The following EDARADD variants were observed in gnomAD, a reference collection of about 807,000 sequenced individuals.
The protein encoded by EDARADD is EDAR associated via death domain.
A neutral mutation model predicts 25.6 loss-of-function variants in EDARADD; 20 were observed. That is an observed-to-expected ratio of 0.78 (90% CI 0.55 to 1.14). The LOEUF (loss-of-function observed/expected upper bound fraction) is 1.14, where lower values mean the gene tolerates loss of function less well. Among genes scored for constraint, EDARADD ranks in the 50% most tolerant of loss-of-function variants. The pLI is 0.00. For missense variants in EDARADD, 225 were observed against 270.1 expected (o/e 0.83, Z 1.17); for synonymous variants, 86 against 94.4 (o/e 0.91, Z 0.52).
chr1:236,435,379 C>T (rs1658223221), intron 4 of EDARADD, among the ~76,000 whole-genome samples: 1 of 152,220 alleles, frequency 6.6e-6, no homozygotes, highest in Non-Finnish European at 1.5e-5. Flanking sequence ...AGGCTATGCC[C>T]CTTGAGGGCA....
chr1:236,380,799 C>T (rs1261560470), intron 3 of EDARADD, among the ~76,000 whole-genome samples: 1 of 152,180 alleles, frequency 6.6e-6, no homozygotes, highest in African/African-American at 2.4e-5. Flanking sequence ...TCATAGTGCA[C>T]TGCAGCCTTG....
chr1:236,412,927 G>A (rs1657536057), intron 2 of EDARADD, among the ~76,000 whole-genome samples: 1 of 152,212 alleles, frequency 6.6e-6, no homozygotes, highest in African/African-American at 2.4e-5. Flanking sequence ...GGAGTGCGAT[G>A]GCACGATCTC....
intron 1 of EDARADD, among the ~76,000 whole-genome samples, chr1:236,401,321 A>G (rs2103003430): frequency 6.6e-6 from 1 of 152,370 alleles, no homozygotes; most frequent in South Asian, 2.1e-4. Flanking sequence ...TTTCTGGCTC[A>G]GGATGCTTGG....
intron 3 of EDARADD, among the ~76,000 whole-genome samples, chr1:236,378,001 G>A (rs938095745): frequency 1.3e-5 from 2 of 152,146 alleles, no homozygotes; most frequent in African/African-American, 4.8e-5. Context: ...TGCTGTTAAG[G>A]TGTCGGGGGA....
At chr1:236,377,988 A>G (rs979368599) in intron 3 of EDARADD, among the ~76,000 whole-genome samples, 1 of 152,150 alleles carries the variant, frequency 6.6e-6, no homozygotes. Context: ...GTCTTCAGCA[A>G]TGTGCTGTTA....
intron 5 of EDARADD, among the ~76,000 whole-genome samples, chr1:236,477,472 T>C (rs1419998080): frequency 1.3e-5 from 2 of 151,996 alleles, no homozygotes; most frequent in East Asian, 3.9e-4. Flanking sequence ...TGCGCGGAAA[T>C]AAGAAAACCG....
At chr1:236,419,204 T>C (rs1181723412) in intron 3 of EDARADD, among the ~76,000 whole-genome samples, 3 of 151,910 alleles carry the variant, frequency 2.0e-5, no homozygotes, top group Non-Finnish European at 2.9e-5. Flanking sequence ...CTGAGCAACA[T>C]AGTGAGACTC....
intron 4 of EDARADD, among the ~76,000 whole-genome samples, chr1:236,436,209 G>A (rs1658246053): frequency 6.6e-6 from 1 of 151,462 alleles, no homozygotes; most frequent in African/African-American, 2.4e-5. Flanking sequence ...CCAGGCTGGA[G>A]TGCAGTGGTG....
chr1:236,367,760 T>C (rs1324599050), intron 3 of EDARADD, among the ~76,000 whole-genome samples: 1 of 152,202 alleles, frequency 6.6e-6, no homozygotes, highest in African/African-American at 2.4e-5. Context: ...AGGCTACTGT[T>C]GATATACATT....
chr1:236,379,798 A>G (rs1040422523), intron 3 of EDARADD, among the ~76,000 whole-genome samples: 4 of 152,210 alleles, frequency 2.6e-5, no homozygotes, highest in African/African-American at 4.8e-5. Flanking sequence ...AATAAGTAAA[A>G]TTAAAAAATT....
At chr1:236,363,384 G>A (rs1478514053) in intron 3 of EDARADD, among the ~76,000 whole-genome samples, 1 of 151,544 alleles carries the variant, frequency 6.6e-6, no homozygotes, top group African/African-American at 2.4e-5. Context: ...TAGTCAGTGA[G>A]TTCTTCTGAG....
At chr1:236,427,314 T>G (rs1167024083) in intron 3 of EDARADD, 78 bp from the exon 4 acceptor site, 3 of 1,435,164 alleles carry the variant, frequency 2.1e-6, no homozygotes, top group Non-Finnish European at 2.9e-6. Flanking sequence ...AACCTTAATT[T>G]TAGGTCTTAC....
chr1:236,432,926 T>TC, intron 4 of EDARADD, among the ~76,000 whole-genome samples: 1 of 133,874 alleles, frequency 7.5e-6, no homozygotes, highest in African/African-American at 3.5e-5. Context: ...AGCAAGACTC[T>TC]CAAAAAAAAA....
At chr1:236,348,499 A>G (rs1209352968) in intron 1 of EDARADD, among the ~76,000 whole-genome samples, 1 of 152,178 alleles carries the variant, frequency 6.6e-6, no homozygotes, top group Non-Finnish European at 1.5e-5. Flanking sequence ...GTCCTCCCAC[A>G]TCCCCGGTTA....
chr1:236,353,632 C>T (rs910813316), intron 3 of EDARADD, among the ~76,000 whole-genome samples: 7 of 142,124 alleles, frequency 4.9e-5, no homozygotes, highest in African/African-American at 5.5e-5. Context: ...GAGCCAAGAT[C>T]GCACAACTGC....
intron 5 of EDARADD, among the ~76,000 whole-genome samples, chr1:236,481,831 A>T (rs904015993): frequency 1.3e-5 from 2 of 149,232 alleles, no homozygotes; most frequent in African/African-American, 4.9e-5. Context: ...GAGCATTCTG[A>T]GGCCAGGCAC....
At chr1:236,365,072 A>C (rs1667095709) in intron 3 of EDARADD, among the ~76,000 whole-genome samples, 1 of 152,104 alleles carries the variant, frequency 6.6e-6, no homozygotes, top group East Asian at 1.9e-4. Flanking sequence ...AAGTTTACTG[A>C]GACTATCAGG....
At chr1:236,428,660 G>T (rs1214185215) in intron 4 of EDARADD, among the ~76,000 whole-genome samples, 1 of 128,184 alleles carries the variant, frequency 7.8e-6, no homozygotes, top group African/African-American at 2.7e-5. Context: ...ACGGGATGGC[G>T]GCCGGGAAGA....
At chr1:236,464,463 C>A (rs894879193) in intron 4 of EDARADD, among the ~76,000 whole-genome samples, 2 of 124,788 alleles carry the variant, frequency 1.6e-5, no homozygotes, top group East Asian at 2.5e-4. Flanking sequence ...GACAGAATCT[C>A]GCTCTGTCGC....
Sources: allele counts gnomAD v4.1 joint callset (sites outside exome capture counted in the v4.1 genomes callset), GRCh38; gene constraint gnomAD v4.1.1; transcripts MANE v1.5; gene names NCBI Gene and HGNC (gene_info 2026-07-23, HGNC 2026-07-21).